Variants in TRHDE observed in about 807,000 individuals in gnomAD.
TRHDE encodes the protein thyrotropin releasing hormone degrading enzyme.
In TRHDE, 72 loss-of-function variants were observed where a neutral mutation model predicts 125.7. The observed-to-expected ratio is 0.57, with a 90% CI of 0.47 to 0.70. The LOEUF (loss-of-function observed/expected upper bound fraction) is 0.70, where lower values mean the gene tolerates loss of function less well. Ranked by LOEUF, TRHDE falls within the 30% of genes least tolerant of loss-of-function variation. TRHDE has a pLI of 0.00. For synonymous variants in TRHDE, 509 were observed against 509.1 expected (o/e 1.00, Z 0.00); for missense variants, 1,110 against 1,327.1 (o/e 0.84, Z 2.54).
At chr12:72,272,348 C>G, upstream of TRHDE, 1 of 361,530 alleles carries the variant, frequency 2.8e-6, no homozygotes, top group Non-Finnish European at 5.4e-6. The surrounding 1 kb of genome is among the most constrained non-coding windows in gnomAD (Gnocchi z 6.7). Context: ...GCAGCATGTG[C>G]CCCGCCGCCG....
chr12:72,364,700 G>A (rs181972249), intron 2 of TRHDE, among the ~76,000 whole-genome samples: 1 of 152,128 alleles, frequency 6.6e-6, no homozygotes, highest in Admixed American at 6.6e-5. Context: ...TGAACTGGAT[G>A]GTGTTGATTT....
At chr12:72,621,239 C>T (rs761456929) in intron 14 of TRHDE, 34 bp downstream of exon 14, 4 of 1,382,276 alleles carry the variant, frequency 2.9e-6, no homozygotes, top group Non-Finnish European at 4.1e-6. Context: ...CTTCTTTACC[C>T]CTAGAGCTGT....
Position 72,317,067 on chromosome 12 carries a change from G to A in TRHDE, c.1188+30113G>A, listed in dbSNP as rs569502264. ...TCAGACACTATATTAGGAACTTTTA[G>A]TTTTCACAACAATTCTGAGGGTATC... On this transcript the variant is annotated intron_variant, in intron 2 of 18. Transcript: ENST00000261180. Among the ~76,000 whole-genome samples the A allele has an allele frequency of 8.5e-5, 13 of 152,272 alleles. No individual in the cohort carries two copies. The South Asian group carries it at 2.7e-3, about 32-fold the overall frequency.
At chr12:72,092,515 C>CTGTGTGG (rs1417804542) in intron 1 of TRHDE, among the ~76,000 whole-genome samples, 1 of 152,150 alleles carries the variant, frequency 6.6e-6, no homozygotes. Context: ...CTGTTGTCTC[C>CTGTGTGG]ATACGCAGAC....
intron 12 of TRHDE, among the ~76,000 whole-genome samples, chr12:72,598,238 T>C (rs1872061849): frequency 6.6e-6 from 1 of 152,326 alleles, no homozygotes; most frequent in East Asian, 1.9e-4. Flanking sequence ...TTTATTCATA[T>C]TTGATTGCCT....
intron 2 of TRHDE, among the ~76,000 whole-genome samples, chr12:72,237,627 T>A (rs893464992): frequency 3.3e-5 from 5 of 152,314 alleles, no homozygotes; most frequent in Admixed American, 6.5e-5. Context: ...AATGACAGTT[T>A]CCACTGTGTG....
intron 7 of TRHDE, among the ~76,000 whole-genome samples, chr12:72,556,890 A>G (rs1869950604): frequency 6.6e-6 from 1 of 152,206 alleles, no homozygotes; most frequent in Non-Finnish European, 1.5e-5. Context: ...CAACTATAGG[A>G]CATCCTACTT....
At chr12:72,266,575 A>G (rs1161396252) in intron 2 of TRHDE, among the ~76,000 whole-genome samples, 3 of 151,478 alleles carry the variant, frequency 2.0e-5, no homozygotes, top group Non-Finnish European at 4.4e-5. Context: ...CGTAGCACTT[A>G]CCATGTGCTA....
At chr12:72,343,292 C>T (rs987163938) in intron 2 of TRHDE, among the ~76,000 whole-genome samples, 1 of 151,932 alleles carries the variant, frequency 6.6e-6, no homozygotes, top group Admixed American at 6.6e-5. Context: ...TCCACACATA[C>T]TCAAGTCCTC....
In TRHDE at chr12:72,178,444, G is replaced by A. The variant is rs150144529; in HGVS notation, n.279+72692G>A. Among the ~76,000 whole-genome samples the A allele has an allele frequency of 1.4e-3, 210 of 152,104 alleles. 2 individuals carry two copies. Among genetic ancestry groups the A allele is most frequent in the African/African-American group, 4.5e-3 (186 of 41,546 alleles). On this transcript the variant is annotated intron_variant and non_coding_transcript_variant, in intron 2 of 4. Transcript: ENST00000548156. ...AAGAACTGATTTTTAAAAATCTTGC[G>A]CAATAGACCAAACATTTTATTTTCC...
intron 2 of TRHDE, among the ~76,000 whole-genome samples, chr12:72,224,891 C>T (rs1208861459): frequency 6.6e-6 from 1 of 152,082 alleles, no homozygotes; most frequent in Non-Finnish European, 1.5e-5. Flanking sequence ...TCTTAACCTC[C>T]CCTCTCTTTA....
chr12:72,557,528 G>A (rs1321273310), intron 7 of TRHDE, among the ~76,000 whole-genome samples: 1 of 152,116 alleles, frequency 6.6e-6, no homozygotes, highest in Admixed American at 6.6e-5. Context: ...CCATTTATGT[G>A]GTTAATCCTC....
intron 2 of TRHDE, among the ~76,000 whole-genome samples, chr12:72,159,315 T>C (rs1876586347): frequency 6.6e-6 from 1 of 152,184 alleles, no homozygotes; most frequent in South Asian, 2.1e-4. Context: ...GTAATAGTAA[T>C]TCAATGATCT....
chr12:72,636,131 A>T (rs960556591), intron 15 of TRHDE, among the ~76,000 whole-genome samples: 1 of 152,142 alleles, frequency 6.6e-6, no homozygotes, highest in Admixed American at 6.5e-5. Context: ...CTTCCTACCC[A>T]TGAGCATGGA....
intron 15 of TRHDE, among the ~76,000 whole-genome samples, chr12:72,650,829 A>T (rs999229931): frequency 1.3e-5 from 2 of 152,144 alleles, no homozygotes; most frequent in African/African-American, 4.8e-5. Context: ...GTTATTAAAG[A>T]TGGAGGCATC....
intron 2 of TRHDE, among the ~76,000 whole-genome samples, chr12:72,129,231 A>G (rs1875802530): frequency 6.6e-6 from 1 of 152,228 alleles, no homozygotes; most frequent in Non-Finnish European, 1.5e-5. Flanking sequence ...AAAATTTATC[A>G]CCAGCAGACC....
chr12:72,262,101 C>T (rs11179134), intron 2 of TRHDE, among the ~76,000 whole-genome samples: 15,520 of 152,144 alleles, frequency 0.1, 2,461 homozygotes, highest in African/African-American at 0.34. Flanking sequence ...TTGGCAGTAG[C>T]AGGCAAAGGC....
chr12:72,152,695 C>T (rs1297350376), intron 2 of TRHDE, among the ~76,000 whole-genome samples: 21 of 152,116 alleles, frequency 1.4e-4, no homozygotes, highest in African/African-American at 4.6e-4. Context: ...CGCTGGATTA[C>T]GTTTATTGAT....
chr12:72,644,736 G>T (rs1874210902), intron 15 of TRHDE, among the ~76,000 whole-genome samples: 1 of 152,082 alleles, frequency 6.6e-6, no homozygotes, highest in African/African-American at 2.4e-5. Context: ...TTCCCCATGG[G>T]GAGGGAAAGA....
Sources: gnomAD v4.1 joint callset for allele counts (sites outside exome capture counted in the v4.1 genomes callset) on GRCh38, gnomAD v4.1.1 for gene constraint, Gnocchi (gnomAD v3.1) non-coding constraint, MANE v1.5 for transcripts, NCBI Gene and HGNC (gene_info 2026-07-23, HGNC 2026-07-21) for gene names.